The following ITGBL1 variants were observed in gnomAD, a reference collection of about 807,000 sequenced individuals.
The protein encoded by ITGBL1 is integrin subunit beta like 1, also known as integrin beta-like protein 1.
Under a neutral mutation model 68.5 loss-of-function variants are expected in ITGBL1, and 51 were observed. The ratio of observed to expected loss-of-function variants is 0.74; its 90% confidence interval spans 0.59 to 0.94. The LOEUF (loss-of-function observed/expected upper bound fraction) is 0.94. Among genes scored for constraint, ITGBL1 ranks in the 40% least tolerant of loss-of-function variants. The pLI, the probability that ITGBL1 is intolerant of heterozygous loss-of-function variation, is 0.00. For missense variants in ITGBL1, 649 were observed against 647.4 expected, an observed-to-expected ratio of 1.00 and a Z score of -0.03; for synonymous variants, 209 against 227.3, an observed-to-expected ratio of 0.92 and a Z score of 0.72.
chr13:101,708,608 C>G (rs1222397165), intron 9 of ITGBL1, among the ~76,000 whole-genome samples: 1 of 152,158 alleles, frequency 6.6e-6, no homozygotes, highest in South Asian at 2.1e-4. Context: ...TGTTTTGCCT[C>G]GTATGCAAGA....
chr13:101,597,787 C>T (rs2139323898), intron 6 of ITGBL1, among the ~76,000 whole-genome samples: 1 of 152,128 alleles, frequency 6.6e-6, no homozygotes, highest in Middle Eastern at 3.4e-3. Context: ...CTCCTGACCT[C>T]GTGATCTTCC....
At chr13:101,464,561 A>C (rs1183376286) in intron 2 of ITGBL1, among the ~76,000 whole-genome samples, 2 of 151,950 alleles carry the variant, frequency 1.3e-5, no homozygotes, top group Non-Finnish European at 2.9e-5. Flanking sequence ...ATGTTTATAT[A>C]TCCTCCTATA....
At chr13:101,682,395 T>C (rs1346863280) in intron 7 of ITGBL1, among the ~76,000 whole-genome samples, 1 of 152,140 alleles carries the variant, frequency 6.6e-6, no homozygotes, top group Non-Finnish European at 1.5e-5. Flanking sequence ...AATCTTGCAG[T>C]ATCTTATGGA....
chr13:101,529,107 A>T (rs1042480248), intron 2 of ITGBL1, among the ~76,000 whole-genome samples: 1 of 152,026 alleles, frequency 6.6e-6, no homozygotes, highest in Non-Finnish European at 1.5e-5. Context: ...CAAAAGAACA[A>T]ATAAACACAT....
intron 6 of ITGBL1, among the ~76,000 whole-genome samples, chr13:101,585,526 G>T (rs917072679): frequency 2.0e-5 from 3 of 152,192 alleles, no homozygotes; most frequent in Admixed American, 6.5e-5. Context: ...CACCTCCCAG[G>T]TTCACACCAT....
chr13:101,586,558 G>T (rs2050561368), intron 6 of ITGBL1, among the ~76,000 whole-genome samples: 1 of 152,120 alleles, frequency 6.6e-6, no homozygotes, highest in Non-Finnish European at 1.5e-5. Flanking sequence ...TAGCAGAAGA[G>T]AAAATACATT....
chr13:101,589,670 A>G (rs1594909427), intron 6 of ITGBL1, among the ~76,000 whole-genome samples: 1 of 152,178 alleles, frequency 6.6e-6, no homozygotes, highest in African/African-American at 2.4e-5. Flanking sequence ...CAATGATACA[A>G]TCTCTTAAAT....
chr13:101,549,312 T>C (rs1399874699), intron 2 of ITGBL1, among the ~76,000 whole-genome samples: 1 of 151,970 alleles, frequency 6.6e-6, no homozygotes, highest in African/African-American at 2.4e-5. Context: ...TTTCCAGATT[T>C]ATGCATAAAA....
chr13:101,475,356 A>T (rs1336515042), intron 2 of ITGBL1, among the ~76,000 whole-genome samples: 1 of 152,166 alleles, frequency 6.6e-6, no homozygotes, highest in South Asian at 2.1e-4. Flanking sequence ...AGAATTAGTG[A>T]GTTTGAAGAC....
At chr13:101,495,309 G>A (rs1027372448) in intron 2 of ITGBL1, among the ~76,000 whole-genome samples, 6 of 152,154 alleles carry the variant, frequency 3.9e-5, no homozygotes, top group East Asian at 1.9e-4. Flanking sequence ...TGAGCTGGCC[G>A]TTGTCGTAGC....
intron 8 of ITGBL1, among the ~76,000 whole-genome samples, chr13:101,705,229 A>G (rs1395352847): frequency 2.1e-5 from 3 of 144,102 alleles, no homozygotes; most frequent in African/African-American, 7.6e-5. Flanking sequence ...CACTTGTTGC[A>G]TGGCCTGTGA....
In ITGBL1 at chr13:101,605,984, A is replaced by C. The variant is rs148104252; in HGVS notation, c.1015+7685A>C. Among the ~76,000 whole-genome samples, 1,121 of 145,344 alleles carry C rather than the reference A, an allele frequency of 7.7e-3. 13 individuals are homozygous for C. Among genetic ancestry groups the C allele is most frequent in the African/African-American group, 0.027 (1,061 of 39,354 alleles). On this transcript the variant is annotated intron_variant, in intron 7 of 10. Transcript: ENST00000376180. ...TACACATATATATGCATATATGTGT[A>C]TATATATGTGTATATATACACATAT...
chr13:101,617,742 G>A (rs755108567), intron 7 of ITGBL1, among the ~76,000 whole-genome samples: 5 of 152,004 alleles, frequency 3.3e-5, no homozygotes, highest in South Asian at 2.1e-4. Context: ...ACCTTCAGCC[G>A]TATTATTACT....
At chr13:101,517,287 A>G (rs1246490949) in intron 2 of ITGBL1, among the ~76,000 whole-genome samples, 3 of 152,144 alleles carry the variant, frequency 2.0e-5, no homozygotes, top group Non-Finnish European at 4.4e-5. Flanking sequence ...AAAGCCACCA[A>G]TGATATCCAG....
chr13:101,536,871 G>A (rs899695135), intron 2 of ITGBL1, among the ~76,000 whole-genome samples: 1 of 151,894 alleles, frequency 6.6e-6, no homozygotes, highest in African/African-American at 2.4e-5. Flanking sequence ...TGTCACTGGA[G>A]CATATTTAAG....
intron 7 of ITGBL1, among the ~76,000 whole-genome samples, chr13:101,610,450 T>TACTCTAC (rs1276296902): frequency 6.6e-6 from 1 of 152,144 alleles, no homozygotes; most frequent in Non-Finnish European, 1.5e-5. Flanking sequence ...CGAATGCAGA[T>TACTCTAC]ACTCTACACT....
chr13:101,663,167 G>A (rs1325180025), intron 7 of ITGBL1, among the ~76,000 whole-genome samples: 1 of 152,042 alleles, frequency 6.6e-6, no homozygotes, highest in Non-Finnish European at 1.5e-5. Context: ...ATTTTTATAT[G>A]TACATTACAT....
intron 2 of ITGBL1, among the ~76,000 whole-genome samples, chr13:101,471,158 G>A (rs2048451401): frequency 6.6e-6 from 1 of 152,178 alleles, no homozygotes; most frequent in Non-Finnish European, 1.5e-5. Flanking sequence ...GAAAGTGTGA[G>A]AGGGAGAATG....
intron 2 of ITGBL1, among the ~76,000 whole-genome samples, chr13:101,519,773 T>G (rs968048635): frequency 6.6e-6 from 1 of 152,148 alleles, no homozygotes; most frequent in Non-Finnish European, 1.5e-5. Context: ...TCAAGTAGAC[T>G]TCCTGCTATA....
Sources: allele counts gnomAD v4.1 joint callset (sites outside exome capture counted in the v4.1 genomes callset), GRCh38; gene constraint gnomAD v4.1.1; transcripts MANE v1.5; gene names NCBI Gene and HGNC (gene_info 2026-07-23, HGNC 2026-07-21).